The following MTHFD1L variants were observed in gnomAD, a reference collection of about 807,000 sequenced individuals.
The protein encoded by MTHFD1L is monofunctional C1-tetrahydrofolate synthase, mitochondrial.
Under a neutral mutation model 119.5 loss-of-function variants are expected in MTHFD1L, and 81 were observed. The observed-to-expected ratio is 0.68, with a 90% CI of 0.57 to 0.82. The LOEUF is 0.82. MTHFD1L is among the 40% of genes least tolerant of loss of function. The pLI is 0.00. For synonymous variants in MTHFD1L, 430 were observed against 475.2 expected (o/e 0.90, Z 1.24); for missense variants, 1,125 against 1,253.4 (o/e 0.90, Z 1.55).
intron 20 of MTHFD1L, among the ~76,000 whole-genome samples, chr6:150,997,925 G>A (rs909394643): frequency 6.6e-6 from 1 of 152,172 alleles, no homozygotes; most frequent in African/African-American, 2.4e-5. Flanking sequence ...AAACCGGTAG[G>A]TCTAGGCATG....
chr6:150,940,315 G>C (rs1418562305), intron 13 of MTHFD1L, among the ~76,000 whole-genome samples: 1 of 152,174 alleles, frequency 6.6e-6, no homozygotes, highest in Non-Finnish European at 1.5e-5. Flanking sequence ...AAAATCTGTA[G>C]GAACTTCAAG....
At chr6:150,970,562 CAATTACTTGA>C (rs1797877407) in intron 19 of MTHFD1L, among the ~76,000 whole-genome samples, 1 of 152,144 alleles carries the variant, frequency 6.6e-6, no homozygotes, top group African/African-American at 2.4e-5. Flanking sequence ...GGTAAGCTAA[CAATTACTTGA>C]AATTACTTGA....
Position 151,044,463 on chromosome 6 carries a change from C to T in MTHFD1L, c.2847+7346C>T, listed in dbSNP as rs570930985. 2.8e-4 allele frequency among the ~76,000 whole-genome samples: 43 copies of T among 151,734 alleles called. 1 individual carries two copies. The highest frequency in any genetic ancestry group is 8.9e-4 in the African/African-American group (37 of 41,382). ...ATTACAGGTGGCCGCCACTACGCCC[C>T]GCTAGTTTTTTGTATTTTTAATAGA... On this transcript the variant is annotated intron_variant, in intron 26 of 27. Transcript: ENST00000367321.
At chr6:151,012,959 A>G (rs546912508) in intron 21 of MTHFD1L, among the ~76,000 whole-genome samples, 1 of 152,338 alleles carries the variant, frequency 6.6e-6, no homozygotes, top group African/African-American at 2.4e-5. Flanking sequence ...ATTATGTAGG[A>G]CAACTTGCCT....
At chr6:150,990,253 C>T (rs1295798009) in intron 20 of MTHFD1L, among the ~76,000 whole-genome samples, 4 of 150,502 alleles carry the variant, frequency 2.7e-5, no homozygotes, top group Admixed American at 6.7e-5. Context: ...CACTCCAGCC[C>T]GGCGACGGAG....
intron 7 of MTHFD1L, among the ~76,000 whole-genome samples, chr6:150,893,629 G>T (rs1276036201): frequency 6.6e-6 from 1 of 152,180 alleles, no homozygotes; most frequent in Non-Finnish European, 1.5e-5. Context: ...GATTTCCAAA[G>T]CTGAGGGTGA....
chr6:150,950,361 C>T (rs976989401), intron 16 of MTHFD1L, among the ~76,000 whole-genome samples: 5 of 152,196 alleles, frequency 3.3e-5, no homozygotes, highest in Non-Finnish European at 7.3e-5. Context: ...ACCCAGGTCT[C>T]GTCCCTTCAG....
intron 4 of MTHFD1L, among the ~76,000 whole-genome samples, chr6:150,879,875 C>T (rs1781119584): frequency 6.6e-6 from 1 of 152,016 alleles, no homozygotes; most frequent in Non-Finnish European, 1.5e-5. Context: ...GTGATCTGCC[C>T]TCCCTGGCCT....
At chr6:151,085,203 A>C (rs1793680612) in intron 26 of MTHFD1L, among the ~76,000 whole-genome samples, 1 of 151,766 alleles carries the variant, frequency 6.6e-6, no homozygotes, top group African/African-American at 2.4e-5. Context: ...ATTTTAAGTA[A>C]ATTTTTAAAA....
chr6:150,951,060 A>G (rs1283895313), intron 16 of MTHFD1L, among the ~76,000 whole-genome samples: 1 of 140,052 alleles, frequency 7.1e-6, no homozygotes, highest in African/African-American at 2.6e-5. Flanking sequence ...TTTTTGAGAC[A>G]GGGCCTCATT....
intron 22 of MTHFD1L, among the ~76,000 whole-genome samples, chr6:151,014,538 A>C (rs1479538318): frequency 6.6e-6 from 1 of 152,156 alleles, no homozygotes; most frequent in East Asian, 1.9e-4. Flanking sequence ...GGCGCCAGGG[A>C]TCTGAGCCAG....
intron 7 of MTHFD1L, among the ~76,000 whole-genome samples, chr6:150,895,895 A>C (rs186503728): frequency 1.2e-4 from 19 of 152,326 alleles, no homozygotes; most frequent in South Asian, 4.1e-4. Context: ...GTAATGTGCT[A>C]TGGTGACAGT....
chr6:150,962,585 C>T (rs574602349), intron 18 of MTHFD1L, among the ~76,000 whole-genome samples: 10 of 152,302 alleles, frequency 6.6e-5, no homozygotes, highest in African/African-American at 2.4e-4. Context: ...CCATCTGAGC[C>T]TTCCCCACAT....
intron 27 of MTHFD1L, among the ~76,000 whole-genome samples, chr6:151,096,953 G>A (rs1031275393): frequency 6.6e-6 from 1 of 152,182 alleles, no homozygotes; most frequent in Non-Finnish European, 1.5e-5. Flanking sequence ...ATAAGGGCAT[G>A]ACTCATTCTT....
chr6:150,883,861 A>G (rs959716239), intron 5 of MTHFD1L, among the ~76,000 whole-genome samples: 5 of 152,210 alleles, frequency 3.3e-5, no homozygotes, highest in Admixed American at 6.5e-5. Flanking sequence ...GGTTGTAAGC[A>G]GATTTATAAA....
intron 26 of MTHFD1L, among the ~76,000 whole-genome samples, chr6:151,047,735 A>G (rs1460494400): frequency 1.3e-5 from 2 of 152,166 alleles, no homozygotes; most frequent in African/African-American, 4.8e-5. Flanking sequence ...ACCTTCCGTC[A>G]TCCAGTTCCC....
At chr6:151,038,630 A>G (rs1332172492) in intron 26 of MTHFD1L, among the ~76,000 whole-genome samples, 1 of 152,136 alleles carries the variant, frequency 6.6e-6, no homozygotes, top group Non-Finnish European at 1.5e-5. Flanking sequence ...GTATTTTAGA[A>G]AAATAGCTCT....
intron 26 of MTHFD1L, among the ~76,000 whole-genome samples, chr6:151,059,003 G>A (rs942368906): frequency 6.6e-6 from 1 of 151,212 alleles, no homozygotes; most frequent in Non-Finnish European, 1.5e-5. Context: ...AAATGTGTTG[G>A]TTTTTTAATC....
chr6:150,965,338 C>T (rs1448161213), intron 19 of MTHFD1L, among the ~76,000 whole-genome samples: 3 of 152,074 alleles, frequency 2.0e-5, no homozygotes, highest in Non-Finnish European at 4.4e-5. Context: ...CATGTCTTGG[C>T]TTAATTGACC....
Sources: gnomAD v4.1 joint callset for allele counts (sites outside exome capture counted in the v4.1 genomes callset) on GRCh38, gnomAD v4.1.1 for gene constraint, MANE v1.5 for transcripts, NCBI Gene and HGNC (gene_info 2026-07-23, HGNC 2026-07-21) for gene names.